Variants in CRYBG1 observed in about 807,000 individuals in gnomAD.
CRYBG1 encodes the protein crystallin beta-gamma domain containing 1, also known as beta/gamma crystallin domain-containing protein 1.
A neutral mutation model predicts 189.2 loss-of-function variants in CRYBG1; 139 were observed. The observed-to-expected ratio is 0.73, with a 90% CI of 0.64 to 0.85. CRYBG1 has a LOEUF of 0.85. CRYBG1 is among the 40% of genes least tolerant of loss of function. The pLI is 0.00. For synonymous variants in CRYBG1, 1,023 were observed against 1,017.1 expected (o/e 1.01, Z -0.11); for missense variants, 2,611 against 2,675.8 (o/e 0.98, Z 0.53).
intron 1 of CRYBG1, among the ~76,000 whole-genome samples, chr6:106,363,577 G>A (rs557444): frequency 0.64 from 96,544 of 151,964 alleles, 30,700 homozygotes; most frequent in East Asian, 0.72. Context: ...TTCTGTCCAG[G>A]ACTTGGAAGT....
At chr6:106,448,730 C>T (rs1334300919) in intron 1 of CRYBG1, among the ~76,000 whole-genome samples, 1 of 152,240 alleles carries the variant, frequency 6.6e-6, no homozygotes, top group East Asian at 1.9e-4. Context: ...TTTCTACCCT[C>T]TCCCTTCTCC....
rs528712938 is a variant in CRYBG1 at position 106,424,593 on chromosome 6, C to A, written c.174-27101C>A. Among the ~76,000 whole-genome samples the A allele has an allele frequency of 5.3e-5, 8 of 152,294 alleles. No homozygotes were observed. The South Asian group carries it at 1.7e-3, about 32-fold the overall frequency. ...TATCCTGCCTCAGCCTCCCGAGTAGCTGAGATTACAGGCACCCACCACCTT... is the reference window on the plus strand; with the variant it reads ...TATCCTGCCTCAGCCTCCCGAGTAGATGAGATTACAGGCACCCACCACCTT... On this transcript the variant is annotated intron_variant, in intron 1 of 21. Coordinates refer to ENST00000633556, the MANE Select transcript of CRYBG1 (RefSeq NM_001371242.2).
intron 2 of CRYBG1, among the ~76,000 whole-genome samples, chr6:106,499,450 G>A (rs989228461): frequency 1.7e-4 from 25 of 150,712 alleles, no homozygotes; most frequent in African/African-American, 5.6e-4. Flanking sequence ...GTGAGCCACC[G>A]CACCCAGCCT....
At chr6:106,388,427 GTCT>G in intron 1 of CRYBG1, among the ~76,000 whole-genome samples, 1 of 152,208 alleles carries the variant, frequency 6.6e-6, no homozygotes, top group East Asian at 1.9e-4. Flanking sequence ...CCCAGAAACT[GTCT>G]TCTTTATAAA....
chr6:106,534,839 G>A (rs902660368), intron 8 of CRYBG1, among the ~76,000 whole-genome samples: 2 of 152,018 alleles, frequency 1.3e-5, no homozygotes, highest in Non-Finnish European at 2.9e-5. Flanking sequence ...GTGGAAGTGG[G>A]GGGTGGTATA....
chr6:106,416,166 C>T (rs754590187), intron 1 of CRYBG1, among the ~76,000 whole-genome samples: 51 of 152,218 alleles, frequency 3.4e-4, no homozygotes, highest in Non-Finnish European at 7.2e-4. Context: ...GTGTCTATCT[C>T]TGTCCCCAGA....
chr6:106,414,885 C>CT lies in CRYBG1; in HGVS notation c.174-36802dup, dbSNP rs555134046. 5.4e-3 allele frequency among the ~76,000 whole-genome samples: 826 copies of CT among 152,238 alleles called. 3 individuals are homozygous for CT. Among genetic ancestry groups the CT allele is most frequent in the South Asian group, 0.017 (84 of 4,818 alleles). On this transcript the variant is annotated intron_variant, in intron 1 of 21. Transcript: ENST00000633556. The stretch of plus-strand genomic sequence containing the variant: ...AAAATTAAAAGTAGATTTATAATCC[C>CT]TTTTTTTCTGATAGAAGCTACATCA...
At chr6:106,423,261 T>TTG (rs1554234031) in intron 1 of CRYBG1, among the ~76,000 whole-genome samples, 1 of 149,688 alleles carries the variant, frequency 6.7e-6, no homozygotes, top group Non-Finnish European at 1.5e-5. Context: ...GTTTTTTTTT[T>TTG]TTTTTTTTTT....
In CRYBG1 at chr6:106,511,705, G is replaced by C. The variant is rs767671084; in HGVS notation, c.588G>C (p.Glu196Asp). The change falls in exon 3 of 22, where the codon GAG becomes GAC. Residue 196 changes from glutamate to aspartate, a missense_variant. Physicochemically the swap from Glu to Asp is conservative, Grantham distance 45. Coordinates refer to ENST00000633556, the MANE Select transcript of CRYBG1 (RefSeq NM_001371242.2). ...PRENPREAEG[E>D]LPESGGPAAP... The stretch of plus-strand genomic sequence containing the variant: ...AGAATCCCCGAGAGGCAGAGGGCGA[G>C]CTCCCCGAGAGCGGTGGCCCCGCAG... 1.3e-6 allele frequency: 2 copies of C among 1,535,670 alleles called. No individual in the cohort carries two copies. Among genetic ancestry groups the C allele is most frequent in the Middle Eastern group, 1.7e-4 (1 of 5,984 alleles).
rs1489088345 is a variant in CRYBG1 at position 106,490,676 on chromosome 6, C to T, written c.313-20754C>T. Among the ~76,000 whole-genome samples, 3 of 152,170 alleles carry T rather than the reference C, an allele frequency of 2.0e-5. No individual in the cohort carries two copies. The East Asian group carries it at 5.8e-4, about 29-fold the overall frequency. On this transcript the variant is annotated intron_variant, in intron 2 of 21. Transcript: ENST00000633556. ...CTTTCCTTTGCATTTAGCCCCACCT[C>T]TGTGCATTGCAGAACTCAGTCATAG...
At chr6:106,474,728 G>C (rs1427084665) in intron 2 of CRYBG1, among the ~76,000 whole-genome samples, 1 of 152,176 alleles carries the variant, frequency 6.6e-6, no homozygotes, top group South Asian at 2.1e-4. Context: ...AAGCTGAGTT[G>C]TCCATGGGCA....
At chr6:106,489,198 C>T (rs778924312) in intron 2 of CRYBG1, among the ~76,000 whole-genome samples, 1 of 152,226 alleles carries the variant, frequency 6.6e-6, no homozygotes, top group Non-Finnish European at 1.5e-5. Context: ...GTGAGCTGTC[C>T]TAGGCTTCTG....
In CRYBG1 at chr6:106,520,824, A is replaced by C; in HGVS notation, c.3616A>C (p.Asn1206His). The change falls in exon 4 of 22, where the codon AAC becomes CAC. Residue 1206 changes from asparagine (N) to histidine (H), a missense_variant. Around this residue, in one of 3 missense-constraint regions of CRYBG1, gnomAD observed 1,622 missense variants for 1,735.0 expected, o/e 0.93. Transcript: ENST00000633556. The stretch of plus-strand genomic sequence containing the variant: ...CGTCCTCTTCAAGTCCCTGCACACC[A>C]ACACTAATGGGAACAGTGAGCCTCT... ...QSVLFKSLHTNTNGNSEPLVM... is the reference protein window; with the variant it reads ...QSVLFKSLHTHTNGNSEPLVM... 6.2e-7 allele frequency: 1 copy of C among 1,614,150 alleles called. No individual in the cohort carries two copies. Among genetic ancestry groups the C allele is most frequent in the Non-Finnish European group, 8.5e-7 (1 of 1,180,020 alleles).
intron 1 of CRYBG1, among the ~76,000 whole-genome samples, chr6:106,427,491 A>C (rs1176620264): frequency 1.3e-5 from 2 of 152,072 alleles, no homozygotes; most frequent in Non-Finnish European, 2.9e-5. Context: ...CTATCATTAA[A>C]ATATGTCTAG....
chr6:106,567,078 TG>T (rs1356284611), intron 21 of CRYBG1, among the ~76,000 whole-genome samples: 7 of 152,236 alleles, frequency 4.6e-5, no homozygotes, highest in Admixed American at 1.3e-4. Context: ...CTAGTTTTCA[TG>T]ATTCTAGTTG....
chr6:106,434,954 G>A (rs60691191), intron 1 of CRYBG1, among the ~76,000 whole-genome samples: 5,030 of 152,246 alleles, frequency 0.033, 273 homozygotes, highest in African/African-American at 0.12. Flanking sequence ...AACAAAAAGA[G>A]GCTGTAGGGT....
At chr6:106,474,709 T>G (rs888765029) in intron 2 of CRYBG1, among the ~76,000 whole-genome samples, 1 of 152,100 alleles carries the variant, frequency 6.6e-6, no homozygotes, top group Non-Finnish European at 1.5e-5. Context: ...GTCCAGAGCT[T>G]GGATGTGCAA....
chr6:106,446,771 G>T (rs1442504476), intron 1 of CRYBG1, among the ~76,000 whole-genome samples: 1 of 152,134 alleles, frequency 6.6e-6, no homozygotes, highest in Admixed American at 6.5e-5. Flanking sequence ...TATTAAAGAG[G>T]CCCGCCCCCT....
At position 106,520,232 on chromosome 6, in the gene CRYBG1, A is replaced by T. The variant is rs778349583; in HGVS notation, c.3024A>T (p.Glu1008Asp). ...SVASCAPPQE[E>D]VLGNEHSHCT... ...CAAGTTGTGCTCCCCCACAAGAGGA[A>T]GTACTGGGCAATGAACACTCTCATT... Residue 1008 changes from glutamate to aspartate, a missense_variant, in exon 4 of 22, where the codon GAA becomes GAT. Glu to Asp is a conservative substitution (Grantham distance 45). Coordinates refer to ENST00000633556, the MANE Select transcript of CRYBG1 (RefSeq NM_001371242.2). The T allele has an allele frequency of 6.2e-7, 1 of 1,614,206 alleles. No individual in the cohort carries two copies. Among genetic ancestry groups the T allele is most frequent in the Admixed American group, 1.7e-5 (1 of 60,026 alleles).
Sources: allele counts gnomAD v4.1 joint callset (sites outside exome capture counted in the v4.1 genomes callset), GRCh38; gene constraint gnomAD v4.1.1; regional missense constraint gnomAD v4.1.1; transcripts MANE v1.5; gene names NCBI Gene and HGNC (gene_info 2026-07-23, HGNC 2026-07-21).